The following RBFOX1 variants were observed in gnomAD, a reference collection of about 807,000 sequenced individuals.
RBFOX1 encodes the protein RNA binding protein fox-1 homolog 1.
A neutral mutation model predicts 57.7 loss-of-function variants in RBFOX1; 8 were observed. The ratio of observed to expected loss-of-function variants is 0.14; its 90% confidence interval spans 0.08 to 0.25. RBFOX1 has a LOEUF of 0.25. Among genes scored for constraint, RBFOX1 ranks in the 10% least tolerant of loss-of-function variants. The pLI is 1.00. For synonymous variants in RBFOX1, 326 were observed against 222.4 expected, an observed-to-expected ratio of 1.47 and a Z score of -4.15; for missense variants, 611 against 548.5, an observed-to-expected ratio of 1.11 and a Z score of -1.14.
intron 1 of RBFOX1, among the ~76,000 whole-genome samples, chr16:6,128,453 A>G (rs2096605746): frequency 6.6e-6 from 1 of 152,194 alleles, no homozygotes. Context: ...CAGCTCTGTG[A>G]TCTTGGAGAG....
chr16:6,988,397 A>G (rs973872796), intron 3 of RBFOX1, among the ~76,000 whole-genome samples: 1 of 152,226 alleles, frequency 6.6e-6, no homozygotes, highest in African/African-American at 2.4e-5. Flanking sequence ...GTTAAGATAT[A>G]TGCTGGATTT....
At chr16:6,510,851 C>A (rs566489154) in intron 2 of RBFOX1, among the ~76,000 whole-genome samples, 18 of 150,486 alleles carry the variant, frequency 1.2e-4, no homozygotes, top group African/African-American at 4.4e-4. Context: ...AGTGCTGCAC[C>A]CTTAAAAAAA....
At chr16:6,514,688 G>T (rs1012181295) in intron 2 of RBFOX1, among the ~76,000 whole-genome samples, 2 of 151,948 alleles carry the variant, frequency 1.3e-5, no homozygotes, top group Non-Finnish European at 2.9e-5. Flanking sequence ...CTCCTGAAGT[G>T]TTCAAGGATC....
At chr16:6,823,952 G>C (rs770979803) in intron 3 of RBFOX1, among the ~76,000 whole-genome samples, 6 of 152,176 alleles carry the variant, frequency 3.9e-5, no homozygotes, top group Non-Finnish European at 8.8e-5. Context: ...TCCTGGAAGA[G>C]GTGGCATCTG....
At chr16:6,162,192 A>G (rs545152619) in intron 1 of RBFOX1, among the ~76,000 whole-genome samples, 1 of 152,286 alleles carries the variant, frequency 6.6e-6, no homozygotes, top group South Asian at 2.1e-4. Context: ...ATCTTGGCTC[A>G]CTGCAACTTC....
intron 4 of RBFOX1, among the ~76,000 whole-genome samples, chr16:7,057,553 C>G (rs944694324): frequency 6.6e-6 from 1 of 152,142 alleles, no homozygotes; most frequent in Non-Finnish European, 1.5e-5. Flanking sequence ...GTTACAAATT[C>G]CTGGAAAAGG....
intron 2 of RBFOX1, among the ~76,000 whole-genome samples, chr16:6,554,895 A>G (rs1181119105): frequency 6.6e-6 from 1 of 151,932 alleles, no homozygotes; most frequent in Non-Finnish European, 1.5e-5. Flanking sequence ...GTAGCTGAGA[A>G]AGAAGCCCAG....
At chr16:6,054,885 T>C (rs987299043) in intron 1 of RBFOX1, among the ~76,000 whole-genome samples, 1 of 152,098 alleles carries the variant, frequency 6.6e-6, no homozygotes, top group African/African-American at 2.4e-5. Flanking sequence ...TGGGTTCAAG[T>C]GATTCTCCTG....
intron 3 of RBFOX1, among the ~76,000 whole-genome samples, chr16:6,831,140 G>A (rs2092680938): frequency 6.6e-6 from 1 of 152,146 alleles, no homozygotes; most frequent in African/African-American, 2.4e-5. Flanking sequence ...TTATTTGCAA[G>A]CGGTTTTGCT....
At chr16:6,640,686 A>C (rs966873590) in intron 2 of RBFOX1, among the ~76,000 whole-genome samples, 3 of 152,148 alleles carry the variant, frequency 2.0e-5, no homozygotes, top group African/African-American at 4.8e-5. Flanking sequence ...GGTATATCAC[A>C]TATAGGAAAC....
At chr16:5,904,169 C>T (rs551477788) in intron 4 of RBFOX1, among the ~76,000 whole-genome samples, 1 of 152,086 alleles carries the variant, frequency 6.6e-6, no homozygotes, top group African/African-American at 2.4e-5. Flanking sequence ...CTGGTGTATG[C>T]ACAAAGCCTC....
At chr16:5,768,997 G>C (rs1224007272) in intron 3 of RBFOX1, among the ~76,000 whole-genome samples, 1 of 151,914 alleles carries the variant, frequency 6.6e-6, no homozygotes, top group African/African-American at 2.4e-5. Context: ...GCTGCCTGGA[G>C]CACCATTAGT....
At chr16:6,571,128 A>G (rs563927494) in intron 2 of RBFOX1, among the ~76,000 whole-genome samples, 4 of 152,338 alleles carry the variant, frequency 2.6e-5, no homozygotes, top group Non-Finnish European at 4.4e-5. Context: ...AATATCTTGG[A>G]GTTGACATCA....
At chr16:5,815,291 G>A (rs139054504) in intron 3 of RBFOX1, among the ~76,000 whole-genome samples, 2 of 151,310 alleles carry the variant, frequency 1.3e-5, no homozygotes, top group East Asian at 3.9e-4. Flanking sequence ...ATCGTGCCTG[G>A]CCTGATTTCC....
At chr16:6,780,500 TTATATATTTATATATACATTTA>T (rs1340002717) in intron 3 of RBFOX1, among the ~76,000 whole-genome samples, 2,853 of 110,612 alleles carry the variant, frequency 0.026, 187 homozygotes, top group Admixed American at 0.057. Context: ...ATATACATTT[TTATATATTTATATATACATTTA>T]TATATATTTA....
intron 4 of RBFOX1, among the ~76,000 whole-genome samples, chr16:7,267,627 G>C (rs1303121667): frequency 6.6e-6 from 1 of 151,666 alleles, no homozygotes; most frequent in Non-Finnish European, 1.5e-5. Flanking sequence ...GGCTGAGGTG[G>C]GCGGATCACT....
intron 4 of RBFOX1, among the ~76,000 whole-genome samples, chr16:7,485,435 T>C (rs1056474165): frequency 2.0e-5 from 3 of 152,236 alleles, no homozygotes; most frequent in Non-Finnish European, 4.4e-5. Context: ...ACACGCTCAA[T>C]AGGTTTTCCT....
chr16:7,465,816 T>C (rs2060413494), intron 4 of RBFOX1, among the ~76,000 whole-genome samples: 1 of 152,220 alleles, frequency 6.6e-6, no homozygotes, highest in Non-Finnish European at 1.5e-5. Context: ...AGGTAATTCT[T>C]GTCTACACCG....
intron 2 of RBFOX1, among the ~76,000 whole-genome samples, chr16:6,467,210 A>C (rs1428775023): frequency 6.6e-6 from 1 of 151,242 alleles, no homozygotes; most frequent in East Asian, 1.9e-4. Flanking sequence ...ATTGCAGTTA[A>C]TGTAATATAA....
Sources: gnomAD v4.1 joint callset for allele counts (sites outside exome capture counted in the v4.1 genomes callset) on GRCh38, gnomAD v4.1.1 for gene constraint, MANE v1.5 for transcripts, NCBI Gene and HGNC (gene_info 2026-07-23, HGNC 2026-07-21) for gene names.